Variants in CCNI2 observed in about 807,000 individuals in gnomAD.
The protein encoded by CCNI2 is cyclin I family member 2, also known as cyclin-I2.
A neutral mutation model predicts 33.2 loss-of-function variants in CCNI2; 32 were observed. The ratio of observed to expected loss-of-function variants is 0.96; its 90% CI spans 0.73 to 1.30. The LOEUF is 1.30. Ranked by LOEUF, CCNI2 falls within the 50% of genes most tolerant of loss-of-function variation. The probability of loss-of-function intolerance (pLI) is 0.00; values close to 1 mark genes in which losing one functional copy is unlikely to be tolerated. For missense variants in CCNI2, 452 were observed against 486.2 expected, an observed-to-expected ratio of 0.93 and a Z score of 0.66; for synonymous variants, 231 against 219.9, an observed-to-expected ratio of 1.05 and a Z score of -0.45.
intron 3 of CCNI2, 33 bp from the exon 4 acceptor site, chr5:132,750,824 T>C: frequency 6.2e-7 from 1 of 1,608,546 alleles, no homozygotes; most frequent in Non-Finnish European, 8.5e-7. Flanking sequence ...TGACATGATG[T>C]AGGGCTTTGG....
downstream of CCNI2, among the ~76,000 whole-genome samples, chr5:132,754,778 A>G (rs1755184954): frequency 6.6e-6 from 1 of 152,226 alleles, no homozygotes; most frequent in Non-Finnish European, 1.5e-5. Flanking sequence ...GAGATTGGGA[A>G]ACATTTCTCA....
chr5:132,754,821 T>C (rs1755188950), downstream of CCNI2, among the ~76,000 whole-genome samples: 1 of 152,222 alleles, frequency 6.6e-6, no homozygotes, highest in African/African-American at 2.4e-5. Context: ...ATTTTCCTTT[T>C]GACCCCAGCT....
rs1302503968 is a variant in CCNI2, at chr5:132,747,593, C to G, written c.98C>G (p.Thr33Arg). ...GGRPGAGLEE[T>R]ALGVPLPPSP... is the part of the protein sequence containing the mutation. ...CGTCCCGGCGCCGGTCTGGAGGAAA[C>G]AGCCCTGGGCGTTCCTCTCCCGCCG... Residue 33 changes from threonine (T) to arginine (R), a missense_variant, in exon 1 of 6, where the codon ACA (threonine) becomes AGA (arginine). Transcript: ENST00000378731. The surrounding 1 kb of genome is among the most constrained non-coding windows in gnomAD (Gnocchi z 4.1). 1 of 1,496,634 alleles carries G rather than the reference C, an allele frequency of 6.7e-7. No individual in the cohort carries two copies. Among genetic ancestry groups the G allele is most frequent in the Non-Finnish European group, 8.9e-7 (1 of 1,129,188 alleles). The allele number at this position is 1,496,634 out of a possible 1,614,324, so 92.7% of individuals were successfully genotyped here.
intron 2 of CCNI2, 42 bp downstream of exon 2, chr5:132,748,517 G>A (rs748056376): frequency 7.5e-6 from 12 of 1,610,086 alleles, no homozygotes; most frequent in Non-Finnish European, 2.5e-6. Context: ...GGTGAGAGAA[G>A]AAACTAACCT....
At chr5:132,748,545 T>C (rs1581115102) in intron 2 of CCNI2, 70 bp downstream of exon 2, 1 of 1,581,628 alleles carries the variant, frequency 6.3e-7, no homozygotes, top group Admixed American at 1.8e-5. Context: ...CCATTCCTGC[T>C]TGAGAGGTGA....
intron 4 of CCNI2, 166 bp downstream of exon 4, chr5:132,751,163 C>G: frequency 1.5e-6 from 1 of 655,352 alleles, no homozygotes; most frequent in Non-Finnish European, 2.4e-6. Flanking sequence ...GAAAAGGTAT[C>G]TTAAATCCAA....
intron 5 of CCNI2, 70 bp downstream of exon 5, chr5:132,752,266 AG>A (rs34204192): frequency 2.0e-6 from 3 of 1,471,576 alleles, no homozygotes; most frequent in African/African-American, 2.8e-5. Flanking sequence ...CTGACCCCAA[AG>A]GGGTACCCTT....
chr5:132,755,086 A>G (rs1291552455), downstream of CCNI2, among the ~76,000 whole-genome samples: 1 of 152,070 alleles, frequency 6.6e-6, no homozygotes, highest in African/African-American at 2.4e-5. Flanking sequence ...TGTCCTTCAA[A>G]GCTTGGTGAA....
chr5:132,748,171 G>A (rs1011905996), intron 1 of CCNI2, among the ~76,000 whole-genome samples, 176 bp from the exon 2 acceptor site: 29 of 152,200 alleles, frequency 1.9e-4, no homozygotes, highest in Non-Finnish European at 4.3e-4. Context: ...GGCGCGAGGG[G>A]TGGGGGTGAT....
At chr5:132,752,237 C>T (rs1421487716) in intron 5 of CCNI2, 41 bp downstream of exon 5, 3 of 1,530,794 alleles carry the variant, frequency 2.0e-6, no homozygotes. Context: ...CTGTGTTTTG[C>T]CCCTTTAGCT....
intron 5 of CCNI2, among the ~76,000 whole-genome samples, chr5:132,752,554 CCT>C (rs1754939174): frequency 6.6e-6 from 1 of 152,138 alleles, no homozygotes; most frequent in African/African-American, 2.4e-5. Flanking sequence ...AACTCCTTCA[CCT>C]CTCCTTTGTA....
intron 5 of CCNI2, 49 bp downstream of exon 5, chr5:132,752,245 GCTGACACACT>G: frequency 6.6e-7 from 1 of 1,524,814 alleles, no homozygotes; most frequent in Non-Finnish European, 8.8e-7. Context: ...TGCCCCTTTA[GCTGACACACT>G]CTGACCCCAA....
chr5:132,750,637 C>T (rs1053752746), intron 3 of CCNI2, among the ~76,000 whole-genome samples: 2 of 152,114 alleles, frequency 1.3e-5, no homozygotes, highest in Admixed American at 6.5e-5. Context: ...GATCAAGACC[C>T]GGTTTCAGAG....
chr5:132,751,635 G>A, intron 4 of CCNI2: 2 of 385,306 alleles, frequency 5.2e-6, no homozygotes, highest in Non-Finnish European at 9.3e-6. Flanking sequence ...CTTATGATAA[G>A]CAGATACAAG....
chr5:132,755,738 C>T (rs1447397574), downstream of CCNI2, among the ~76,000 whole-genome samples: 4 of 152,182 alleles, frequency 2.6e-5, no homozygotes, highest in African/African-American at 9.7e-5. Flanking sequence ...ACCCAGTTAA[C>T]CAATAAAGAT....
At position 132,747,927 on chromosome 5, in the gene CCNI2, A is replaced by T. The variant is rs1233405789; in HGVS notation, c.429+3A>T. 2.2e-6 allele frequency: 3 copies of T among 1,374,480 alleles called. No homozygotes were observed. In the African/African-American group the frequency reaches 4.6e-5, roughly 21 times the overall value. 85.1% of individuals were successfully genotyped at this position (1,374,480 alleles called of 1,614,324 possible). A position where few individuals can be genotyped will look rare whatever the true frequency, so the allele number is the denominator to read the frequency against. ...TGTGGCGGGGCGGCAAACCCCAGGT[A>T]CCCGTCGCTGCCGCGTGGCCCTCCT... On this transcript the variant is annotated splice_donor_region_variant and intron_variant, in intron 1 of 5. Coordinates refer to ENST00000378731, the MANE Select transcript of CCNI2 (RefSeq NM_001039780.4). This position sits in a 1 kb window ranked among gnomAD's most constrained non-coding sequence, Gnocchi z 4.1.
Position 132,754,332 on chromosome 5 carries a change from G to A in CCNI2, c.*1362G>A, listed in dbSNP as rs890641308. On this transcript the variant is annotated 3_prime_UTR_variant, in exon 6 of 6. Coordinates refer to ENST00000378731, the MANE Select transcript of CCNI2 (RefSeq NM_001039780.4). The stretch of plus-strand genomic sequence containing the variant: ...CTGCTCACAGCTTCCAGTGGTGGCC[G>A]TTGAGTGCCCTCTGCCTCCTTCCTT... The A allele has an allele frequency of 1.4e-5, 10 of 704,312 alleles. No individual in the cohort carries two copies. The highest frequency in any genetic ancestry group is 8.1e-5 in the Admixed American group (4 of 49,230). 43.6% of individuals were successfully genotyped at this position (704,312 alleles called of 1,614,324 possible). A position where few individuals can be genotyped will look rare whatever the true frequency, so the allele number is the denominator to read the frequency against.
Position 132,748,334 on chromosome 5 carries a change from T to G in CCNI2, c.430-13T>G, listed in dbSNP as rs780027238. ...GCGACCTTCCTCGCCCCACCTGCTC[T>G]TCTTCCTAGCAGGATGAAATCTGCG... is the stretch of plus-strand genomic sequence containing the variant. On this transcript the variant is annotated splice_polypyrimidine_tract_variant and intron_variant, in intron 1 of 5. Coordinates refer to ENST00000378731, the MANE Select transcript of CCNI2 (RefSeq NM_001039780.4). 2 of 1,613,824 alleles carry G rather than the reference T, an allele frequency of 1.2e-6. No homozygotes were observed. Among genetic ancestry groups the G allele is most frequent in the East Asian group, 4.5e-5 (2 of 44,864 alleles).
Position 132,747,441 on chromosome 5 carries a change from G to A in CCNI2, c.-55G>A, listed in dbSNP as rs1265326824. On this transcript the variant is annotated 5_prime_UTR_variant, in exon 1 of 6. Coordinates refer to ENST00000378731, the MANE Select transcript of CCNI2 (RefSeq NM_001039780.4). This position sits in a 1 kb window ranked among gnomAD's most constrained non-coding sequence, Gnocchi z 4.1. ...CCCAGGCTGCAGTGTTCCGGGAGCT[G>A]GGTTATAAAATGCCGGGTTAAGCGG... 2.4e-5 allele frequency: 33 copies of A among 1,371,496 alleles called. No homozygotes were observed. The highest frequency in any genetic ancestry group is 3.1e-5 in the African/African-American group (2 of 65,490). The allele number at this position is 1,371,496 out of a possible 1,614,324, so 85.0% of individuals were successfully genotyped here.
Sources: allele counts gnomAD v4.1 joint callset (sites outside exome capture counted in the v4.1 genomes callset), GRCh38; gene constraint gnomAD v4.1.1; non-coding constraint Gnocchi (gnomAD v3.1); transcripts MANE v1.5; gene names NCBI Gene and HGNC (gene_info 2026-07-23, HGNC 2026-07-21).